SPTBN1: variants seen among roughly 807,000 people sequenced by gnomAD.
SPTBN1 encodes spectrin beta, non-erythrocytic 1.
A neutral mutation model predicts 266.4 loss-of-function variants in SPTBN1; 32 were observed. The observed-to-expected ratio is 0.12, with a 90% CI of 0.09 to 0.16. SPTBN1 has a LOEUF of 0.16. Among genes scored for constraint, SPTBN1 ranks in the 10% least tolerant of loss-of-function variants. The pLI is 1.00. For missense variants in SPTBN1, 2,296 were observed against 3,067.1 expected, an observed-to-expected ratio of 0.75 and a Z score of 5.94; for synonymous variants, 1,336 against 1,162.2, an observed-to-expected ratio of 1.15 and a Z score of -3.04.
At chr2:54,551,635 C>T (rs895046984) in intron 2 of SPTBN1, among the ~76,000 whole-genome samples, 4 of 151,854 alleles carry the variant, frequency 2.6e-5, no homozygotes, top group African/African-American at 9.7e-5. Context: ...ACCAGTTAGG[C>T]AAGAAACAGG....
intron 2 of SPTBN1, among the ~76,000 whole-genome samples, chr2:54,581,600 T>TG (rs1553452351): frequency 3.5e-5 from 5 of 143,012 alleles, no homozygotes; most frequent in African/African-American, 8.2e-5. Context: ...TTTTTTTTTT[T>TG]GAAACTTTTA....
intron 16 of SPTBN1, 120 bp downstream of exon 16, chr2:54,631,731 A>C: frequency 7.6e-7 from 1 of 1,312,278 alleles, no homozygotes; most frequent in South Asian, 1.5e-5. Flanking sequence ...TGGATAATTT[A>C]GAGACTGATT....
chr2:54,550,396 T>C (rs1672498228), intron 2 of SPTBN1, among the ~76,000 whole-genome samples: 1 of 152,192 alleles, frequency 6.6e-6, no homozygotes, highest in Admixed American at 6.5e-5. Flanking sequence ...CTTAAAATAT[T>C]TCACATTTTA....
At chr2:54,621,630 A>G in intron 8 of SPTBN1, 118 bp downstream of exon 8, 1 of 704,386 alleles carries the variant, frequency 1.4e-6, no homozygotes, top group South Asian at 1.8e-5. Flanking sequence ...TCCGGATGGT[A>G]GGGAAATCGG....
chr2:54,594,670 A>G (rs1675933135), intron 2 of SPTBN1, among the ~76,000 whole-genome samples: 1 of 152,168 alleles, frequency 6.6e-6, no homozygotes, highest in Non-Finnish European at 1.5e-5. Flanking sequence ...CAACTATTAA[A>G]CAACCTTCTG....
chr2:54,502,782 G>A (rs1466770650), intron 1 of SPTBN1, among the ~76,000 whole-genome samples: 1 of 152,164 alleles, frequency 6.6e-6, no homozygotes, highest in Non-Finnish European at 1.5e-5. Flanking sequence ...CTGTTGAGCA[G>A]GAACCTTCTG....
chr2:54,638,991 A>C (rs1572729765), intron 18 of SPTBN1, among the ~76,000 whole-genome samples: 2 of 152,196 alleles, frequency 1.3e-5, no homozygotes, highest in Non-Finnish European at 2.9e-5. Flanking sequence ...GCAAAACCTT[A>C]AGAAGGAAAG....
intron 1 of SPTBN1, among the ~76,000 whole-genome samples, chr2:54,470,284 A>G (rs1693854493): frequency 1.3e-5 from 2 of 152,130 alleles, no homozygotes; most frequent in Non-Finnish European, 2.9e-5. Flanking sequence ...TTTTATTGGT[A>G]CATGTGTACA....
intron 1 of SPTBN1, among the ~76,000 whole-genome samples, chr2:54,469,346 C>T (rs1693800403): frequency 6.6e-6 from 1 of 152,080 alleles, no homozygotes; most frequent in South Asian, 2.1e-4. Context: ...GGGTAATGGG[C>T]CCCAAGGAAA....
At chr2:54,621,832 G>T (rs1238747209) in intron 8 of SPTBN1, among the ~76,000 whole-genome samples, 1 of 152,154 alleles carries the variant, frequency 6.6e-6, no homozygotes, top group East Asian at 1.9e-4. Context: ...AGTTGAAAAG[G>T]CCCCAGCATC....
rs780989473 is a variant in SPTBN1 at position 54,646,460 on chromosome 2, A to G, written c.4851A>G (p.Ser1617=). 11 of 1,536,722 alleles carry G rather than the reference A, an allele frequency of 7.2e-6. No homozygotes were observed. Among genetic ancestry groups the G allele is most frequent in the Non-Finnish European group, 9.6e-6 (11 of 1,141,798 alleles). Residue 1617 remains serine (S), a synonymous_variant, in exon 23 of 36, where the codon TCA becomes TCG. Transcript: ENST00000356805. This position sits in a 1 kb window ranked among gnomAD's most constrained non-coding sequence, Gnocchi z 4.4. ...GCGAGCAGGAGCTGTACATGATGTC[A>G]GAGGAGAAGGCCAAGGTGAGAGGAG... ...WMSEQELYMM[S]EEKAKDEQSA...
At chr2:54,486,401 C>T (rs56801102) in intron 1 of SPTBN1, among the ~76,000 whole-genome samples, 2,940 of 152,212 alleles carry the variant, frequency 0.019, 111 homozygotes, top group African/African-American at 0.067. Flanking sequence ...CCTTGGGATC[C>T]TGTTGATCTG....
intron 5 of SPTBN1, 128 bp downstream of exon 5, chr2:54,616,426 A>G (rs1214749679): frequency 4.5e-6 from 3 of 671,756 alleles, no homozygotes; most frequent in South Asian, 2.8e-5. Flanking sequence ...TTAACTCGCA[A>G]GCAGTTGATA....
intron 18 of SPTBN1, 41 bp downstream of exon 18, chr2:54,637,844 A>G (rs748556753): frequency 5.3e-6 from 8 of 1,521,142 alleles, no homozygotes; most frequent in African/African-American, 2.8e-5. Flanking sequence ...TGTTCCAGTA[A>G]TAGCAATTGC....
chr2:54,617,513 T>C, intron 5 of SPTBN1, 95 bp from the exon 6 acceptor site: 1 of 1,124,682 alleles, frequency 8.9e-7, no homozygotes, highest in Non-Finnish European at 1.3e-6. Context: ...GGTTTTACAA[T>C]GCTTACAGAC....
chr2:54,474,516 T>C (rs1387110428), intron 1 of SPTBN1, among the ~76,000 whole-genome samples: 1 of 152,098 alleles, frequency 6.6e-6, no homozygotes, highest in Non-Finnish European at 1.5e-5. Flanking sequence ...ATAGGGTTGG[T>C]TGGATTAAAT....
chr2:54,664,636 G>A lies in SPTBN1; in HGVS notation c.6604G>A (p.Gly2202Ser). The A allele has an allele frequency of 1.9e-6, 3 of 1,614,180 alleles. No homozygotes were observed. Among genetic ancestry groups the A allele is most frequent in the South Asian group, 1.1e-5 (1 of 91,086 alleles). ...TQETPSAQME[G>S]FLNRKHEWEA... ...GGAGACACCTTCGGCCCAGATGGAA[G>A]GCTTCCTCAATCGGAAACACGAGTG... The change falls in exon 33 of 36, where the codon GGC becomes AGC. Residue 2202 changes from glycine to serine, a missense_variant. Coordinates refer to ENST00000356805, the MANE Select transcript of SPTBN1 (RefSeq NM_003128.3). The surrounding 1 kb of genome is among the most constrained non-coding windows in gnomAD (Gnocchi z 5.6).
chr2:54,462,319 C>A (rs569941309), intron 1 of SPTBN1, among the ~76,000 whole-genome samples: 5 of 152,300 alleles, frequency 3.3e-5, no homozygotes, highest in Non-Finnish European at 5.9e-5. Flanking sequence ...ATGGCTTATT[C>A]TAACTTTTGT....
At chr2:54,532,338 A>T (rs1337291695) in intron 2 of SPTBN1, among the ~76,000 whole-genome samples, 1 of 152,238 alleles carries the variant, frequency 6.6e-6, no homozygotes, top group Admixed American at 6.5e-5. Flanking sequence ...TATACTCCAA[A>T]ATTTTATGTT....
Sources: allele counts gnomAD v4.1 joint callset (sites outside exome capture counted in the v4.1 genomes callset), GRCh38; gene constraint gnomAD v4.1.1; non-coding constraint Gnocchi (gnomAD v3.1); transcripts MANE v1.5; gene names NCBI Gene and HGNC (gene_info 2026-07-23, HGNC 2026-07-21).